Variants in MTHFD1L observed in about 807,000 individuals in gnomAD.
The protein encoded by MTHFD1L is methylenetetrahydrofolate dehydrogenase (NADP+ dependent) 1 like.
In MTHFD1L, 81 loss-of-function variants were observed where a neutral mutation model predicts 119.5. That is an observed-to-expected ratio of 0.68 (90% CI 0.57 to 0.82). MTHFD1L has a LOEUF of 0.82. Ranked by LOEUF, MTHFD1L falls within the 40% of genes least tolerant of loss-of-function variation. MTHFD1L has a pLI of 0.00. For missense variants in MTHFD1L, 1,125 were observed against 1,253.4 expected, an observed-to-expected ratio of 0.90 and a Z score of 1.55; for synonymous variants, 430 against 475.2, an observed-to-expected ratio of 0.90 and a Z score of 1.24.
intron 18 of MTHFD1L, among the ~76,000 whole-genome samples, chr6:150,962,408 A>C (rs1227519032): frequency 1.3e-5 from 2 of 152,174 alleles, no homozygotes; most frequent in Non-Finnish European, 2.9e-5. Context: ...AACTCTTTTT[A>C]GTTATCTTTT....
chr6:150,976,745 A>G (rs73019053), intron 20 of MTHFD1L, among the ~76,000 whole-genome samples: 2 of 152,264 alleles, frequency 1.3e-5, no homozygotes, highest in Non-Finnish European at 2.9e-5. Flanking sequence ...GTTTGCAAAG[A>G]TAGTAGACAA....
At chr6:150,971,500 A>T (rs1293518784) in intron 19 of MTHFD1L, among the ~76,000 whole-genome samples, 2 of 152,208 alleles carry the variant, frequency 1.3e-5, no homozygotes, top group Admixed American at 6.5e-5. Flanking sequence ...TGCCCAGCCA[A>T]TTGTAATGAT....
chr6:150,903,214 T>C (rs879308011), intron 7 of MTHFD1L, among the ~76,000 whole-genome samples: 4,163 of 129,222 alleles, frequency 0.032, 151 homozygotes, highest in Middle Eastern at 0.068. Flanking sequence ...TTTTTTTTTT[T>C]TTTTTTTTTT....
intron 20 of MTHFD1L, among the ~76,000 whole-genome samples, chr6:150,996,573 T>G (rs1779833313): frequency 6.6e-6 from 1 of 152,198 alleles, no homozygotes; most frequent in Non-Finnish European, 1.5e-5. Flanking sequence ...CACTCCCTTG[T>G]TGTCCCCCAT....
intron 1 of MTHFD1L, among the ~76,000 whole-genome samples, chr6:150,873,250 G>A (rs987489945): frequency 6.6e-6 from 1 of 152,186 alleles, no homozygotes; most frequent in African/African-American, 2.4e-5. Flanking sequence ...GGGAGATGGA[G>A]GTTGCAGTGA....
At chr6:151,086,640 A>C (rs1235222970) in intron 26 of MTHFD1L, among the ~76,000 whole-genome samples, 1 of 151,908 alleles carries the variant, frequency 6.6e-6, no homozygotes, top group Admixed American at 6.6e-5. Context: ...AGATCCTCCC[A>C]CCTCAGCCCC....
intron 14 of MTHFD1L, 57 bp downstream of exon 14, chr6:150,944,650 C>A: frequency 7.7e-7 from 1 of 1,305,706 alleles, no homozygotes; most frequent in Non-Finnish European, 1.1e-6. Flanking sequence ...TTCCTGGATT[C>A]TTAAGGAGTT....
At chr6:150,945,612 T>A (rs1354255932) in intron 15 of MTHFD1L, 71 bp downstream of exon 15, 1 of 1,467,100 alleles carries the variant, frequency 6.8e-7, no homozygotes, top group East Asian at 2.3e-5. Flanking sequence ...TGTCAAAGCC[T>A]GAAATTTTCA....
chr6:150,889,043 G>A (rs1030432910), intron 7 of MTHFD1L, among the ~76,000 whole-genome samples: 6 of 152,096 alleles, frequency 3.9e-5, no homozygotes, highest in Middle Eastern at 3.2e-3. Flanking sequence ...CGGGCGTGTC[G>A]GCGCAAGCCT....
At chr6:150,990,521 G>T (rs994004455) in intron 20 of MTHFD1L, among the ~76,000 whole-genome samples, 1 of 151,898 alleles carries the variant, frequency 6.6e-6, no homozygotes, top group African/African-American at 2.4e-5. Context: ...GTGCAATGGC[G>T]TGATCTTAGC....
At chr6:150,906,543 C>T (rs2128851140) in intron 8 of MTHFD1L, among the ~76,000 whole-genome samples, 1 of 152,324 alleles carries the variant, frequency 6.6e-6, no homozygotes, top group South Asian at 2.1e-4. Context: ...GAGACGATGG[C>T]ACAGGGAGGC....
chr6:150,983,679 A>T (rs567524355), intron 20 of MTHFD1L, among the ~76,000 whole-genome samples: 3 of 152,340 alleles, frequency 2.0e-5, no homozygotes, highest in South Asian at 2.1e-4. Flanking sequence ...TTCCTAAGTC[A>T]ATCCTAGGAA....
chr6:151,030,753 A>C (rs1368562979), intron 24 of MTHFD1L, among the ~76,000 whole-genome samples: 2 of 152,216 alleles, frequency 1.3e-5, no homozygotes, highest in East Asian at 3.9e-4. Context: ...TCATTGGTTC[A>C]ACTGTATAGG....
intron 26 of MTHFD1L, among the ~76,000 whole-genome samples, chr6:151,073,601 G>A (rs1584402128): frequency 6.6e-6 from 1 of 151,858 alleles, no homozygotes; most frequent in East Asian, 1.9e-4. Context: ...ACTAGAAGAA[G>A]GATTTAACAT....
intron 13 of MTHFD1L, among the ~76,000 whole-genome samples, chr6:150,943,011 G>A (rs189905548): frequency 5.7e-4 from 87 of 152,238 alleles, no homozygotes; most frequent in Admixed American, 2.0e-3. Context: ...GGCCGGATGT[G>A]GTGGCTCATG....
chr6:151,038,011 A>G (rs553123017), intron 26 of MTHFD1L, among the ~76,000 whole-genome samples: 95 of 152,388 alleles, frequency 6.2e-4, no homozygotes, highest in African/African-American at 1.9e-3. Flanking sequence ...TTATTGTGCA[A>G]ACAAGCAATA....
rs117874818 is a variant in MTHFD1L at position 151,048,862 on chromosome 6, G to A, written c.2847+11745G>A. ...ATAGCACGCTTCTGTGGCTGGCTGT[G>A]TGGGGGCTTTTCCTTACACACCAAA... is the stretch of plus-strand genomic sequence containing the variant. On this transcript the variant is annotated intron_variant, in intron 26 of 27. Transcript: ENST00000367321. Among the ~76,000 whole-genome samples, 601 of 152,312 alleles carry A rather than the reference G, an allele frequency of 3.9e-3. 3 individuals are homozygous for A. Among genetic ancestry groups the A allele is most frequent in the Middle Eastern group, 0.024 (7 of 294 alleles).
At chr6:151,064,254 GAAATGTTTTGCTTTTATGCCAT>G (rs1188066114) in intron 26 of MTHFD1L, among the ~76,000 whole-genome samples, 1 of 152,102 alleles carries the variant, frequency 6.6e-6, no homozygotes, top group Non-Finnish European at 1.5e-5. Context: ...TCATAAATCT[GAAATGTTTTGCTTTTATGCCAT>G]TTTTAAGTCC....
At chr6:150,891,814 A>G (rs1168720187) in intron 7 of MTHFD1L, among the ~76,000 whole-genome samples, 2 of 152,176 alleles carry the variant, frequency 1.3e-5, no homozygotes, top group African/African-American at 4.8e-5. Context: ...GGTACAGCTC[A>G]CAGATCTAAA....
Sources: allele counts gnomAD v4.1 joint callset (sites outside exome capture counted in the v4.1 genomes callset), GRCh38; gene constraint gnomAD v4.1.1; transcripts MANE v1.5; gene names NCBI Gene and HGNC (gene_info 2026-07-23, HGNC 2026-07-21).